Variants in FRMD4A observed in about 807,000 individuals in gnomAD.
FRMD4A encodes FERM domain containing 4A.
A neutral mutation model predicts 129.1 loss-of-function variants in FRMD4A; 29 were observed. That is an observed-to-expected ratio of 0.22 (90% CI 0.17 to 0.31). The LOEUF is 0.31. Ranked by LOEUF, FRMD4A falls within the 10% of genes least tolerant of loss-of-function variation. The pLI, the probability that FRMD4A is intolerant of heterozygous loss-of-function variation, is 1.00. For synonymous variants in FRMD4A, 634 were observed against 571.6 expected (o/e 1.11, Z -1.56); for missense variants, 1,272 against 1,375.8 (o/e 0.92, Z 1.19).
intron 2 of FRMD4A, among the ~76,000 whole-genome samples, chr10:14,123,323 C>T (rs1337617740): frequency 6.6e-6 from 1 of 152,184 alleles, no homozygotes; most frequent in Non-Finnish European, 1.5e-5. Flanking sequence ...GCCATCATTC[C>T]AGCTCTGCCC....
At chr10:14,026,197 C>T (rs1241659564) in intron 2 of FRMD4A, among the ~76,000 whole-genome samples, 1 of 152,180 alleles carries the variant, frequency 6.6e-6, no homozygotes. Flanking sequence ...GTAAAACTCC[C>T]CTCCCTGCAT....
chr10:14,049,731 T>C (rs1172570004), intron 2 of FRMD4A, among the ~76,000 whole-genome samples: 1 of 152,142 alleles, frequency 6.6e-6, no homozygotes, highest in East Asian at 1.9e-4. Context: ...GGCGCTCGCC[T>C]AGAATCGCAG....
At chr10:13,778,233 A>ATTT (rs142248106) in intron 6 of FRMD4A, among the ~76,000 whole-genome samples, 2 of 150,992 alleles carry the variant, frequency 1.3e-5, no homozygotes, top group African/African-American at 4.8e-5. Flanking sequence ...TTTCACATTT[A>ATTT]TTTAAAAAAA....
chr10:13,895,679 C>A (rs2698137), intron 2 of FRMD4A, among the ~76,000 whole-genome samples: 129,718 of 152,192 alleles, frequency 0.85, 55,397 homozygotes, highest in East Asian at 1. Context: ...GGATCTAATC[C>A]AACTAAAGAG....
intron 4 of FRMD4A, among the ~76,000 whole-genome samples, chr10:13,809,359 T>C (rs1488934282): frequency 1.3e-5 from 2 of 152,294 alleles, no homozygotes; most frequent in East Asian, 3.9e-4. Flanking sequence ...ATGTGAACAA[T>C]GGGGCTATGA....
At chr10:13,676,223 G>C (rs1286871632) in intron 15 of FRMD4A, among the ~76,000 whole-genome samples, 1 of 151,972 alleles carries the variant, frequency 6.6e-6, no homozygotes, top group Non-Finnish European at 1.5e-5. Context: ...AAGGAACACT[G>C]ACTCTCTACA....
chr10:14,209,700 G>T (rs1037684480), intron 2 of FRMD4A, among the ~76,000 whole-genome samples: 4 of 142,414 alleles, frequency 2.8e-5, no homozygotes, highest in Admixed American at 2.2e-4. Context: ...CAGCCTGGGC[G>T]ACAGAGCGAG....
intron 15 of FRMD4A, among the ~76,000 whole-genome samples, chr10:13,681,382 A>C (rs1213215374): frequency 6.6e-6 from 1 of 152,208 alleles, no homozygotes; most frequent in Non-Finnish European, 1.5e-5. Flanking sequence ...AATGAAGTAG[A>C]AGATGGATGG....
chr10:13,769,859 G>A (rs1278678950), intron 6 of FRMD4A, among the ~76,000 whole-genome samples: 1 of 151,924 alleles, frequency 6.6e-6, no homozygotes, highest in Admixed American at 6.6e-5. Flanking sequence ...TCTTGTCCTT[G>A]GACTGGGACT....
chr10:13,904,606 T>C (rs1479573477), intron 2 of FRMD4A, among the ~76,000 whole-genome samples: 2 of 152,248 alleles, frequency 1.3e-5, no homozygotes, highest in African/African-American at 4.8e-5. Context: ...ACACGGTGTA[T>C]GGTATTTAAT....
chr10:14,278,455 A>C (rs551639010), intron 2 of FRMD4A, among the ~76,000 whole-genome samples: 1 of 152,298 alleles, frequency 6.6e-6, no homozygotes, highest in South Asian at 2.1e-4. Context: ...ATCAAAGGTC[A>C]CCATAATTTA....
At chr10:13,847,597 C>T (rs1223934258) in intron 3 of FRMD4A, among the ~76,000 whole-genome samples, 2 of 148,842 alleles carry the variant, frequency 1.3e-5, no homozygotes, top group Non-Finnish European at 3.0e-5. Flanking sequence ...ATGAGTAAAT[C>T]TGCCTCCTCA....
At chr10:14,115,704 C>A in intron 2 of FRMD4A, among the ~76,000 whole-genome samples, 1 of 152,122 alleles carries the variant, frequency 6.6e-6, no homozygotes, top group Non-Finnish European at 1.5e-5. Flanking sequence ...ACCTCCCTCC[C>A]CGCTCTCTCT....
chr10:14,324,910 C>T (rs999903195), intron 2 of FRMD4A, among the ~76,000 whole-genome samples: 9 of 152,214 alleles, frequency 5.9e-5, no homozygotes, highest in African/African-American at 1.9e-4. Context: ...ATCTGCCTGC[C>T]TCAGCTTCCC....
intron 2 of FRMD4A, among the ~76,000 whole-genome samples, chr10:13,888,036 C>G (rs1177067684): frequency 1.3e-5 from 2 of 152,198 alleles, no homozygotes; most frequent in Admixed American, 1.3e-4. Context: ...TTGAAACCGT[C>G]TGGCCTTTGT....
intron 2 of FRMD4A, among the ~76,000 whole-genome samples, chr10:14,172,612 T>C (rs1841535124): frequency 6.6e-6 from 1 of 152,384 alleles, no homozygotes; most frequent in Admixed American, 6.5e-5. Flanking sequence ...TTTGAAAACC[T>C]GGTCAAATGA....
chr10:14,255,904 G>T (rs1844598151), intron 2 of FRMD4A, among the ~76,000 whole-genome samples: 1 of 151,358 alleles, frequency 6.6e-6, no homozygotes, highest in Admixed American at 6.6e-5. Flanking sequence ...TACTCAGGAG[G>T]CTGAGGCACA....
chr10:14,254,568 G>C (rs942406196), intron 2 of FRMD4A, among the ~76,000 whole-genome samples: 2 of 152,026 alleles, frequency 1.3e-5, no homozygotes, highest in African/African-American at 2.4e-5. Flanking sequence ...CTGTGGATAC[G>C]CCTAGCACCT....
At chr10:14,301,910 T>C (rs559851966) in intron 2 of FRMD4A, among the ~76,000 whole-genome samples, 84 of 152,004 alleles carry the variant, frequency 5.5e-4, no homozygotes, top group Non-Finnish European at 1.1e-3. Context: ...GTTGGAGGAA[T>C]TCAGTGAGCA....
Sources: allele counts gnomAD v4.1 joint callset (sites outside exome capture counted in the v4.1 genomes callset), GRCh38; gene constraint gnomAD v4.1.1; transcripts MANE v1.5; gene names NCBI Gene and HGNC (gene_info 2026-07-23, HGNC 2026-07-21).